Variants in VAV2 observed in about 807,000 individuals in gnomAD.
VAV2 encodes the protein vav guanine nucleotide exchange factor 2.
In VAV2, 67 loss-of-function variants were observed where a neutral mutation model predicts 132.5. The observed-to-expected ratio is 0.51, with a 90% CI of 0.42 to 0.62. The LOEUF (loss-of-function observed/expected upper bound fraction) is 0.62. Among genes scored for constraint, VAV2 ranks in the 20% least tolerant of loss-of-function variants. The pLI is 0.00. For synonymous variants in VAV2, 492 were observed against 443.5 expected (o/e 1.11, Z -1.37); for missense variants, 938 against 1,153.6 (o/e 0.81, Z 2.71).
rs1306521713 is a variant in VAV2 at position 133,885,184 on chromosome 9, C to T, written c.322-23752G>A. 6.6e-6 allele frequency among the ~76,000 whole-genome samples: 1 copy of T among 152,198 alleles called. No individual in the cohort carries two copies. The highest frequency in any genetic ancestry group is 2.4e-5 in the African/African-American group (1 of 41,444). ...TGACTTCATTTGCTCCAGTGTCCTG[C>T]GATTGATTCTTCTGAACTTCTGAGC... On this transcript the variant is annotated intron_variant, in intron 2 of 29. Coordinates refer to ENST00000371850, the MANE Select transcript of VAV2 (RefSeq NM_001134398.2). The surrounding 1 kb of genome is among the most constrained non-coding windows in gnomAD (Gnocchi z 5.0).
In VAV2 at chr9:133,788,434, T is replaced by A. The variant is rs747209081; in HGVS notation, c.1327A>T (p.Ser443Cys). 6.2e-7 allele frequency: 1 copy of A among 1,612,366 alleles called. No individual in the cohort carries two copies. Among genetic ancestry groups the A allele is most frequent in the Non-Finnish European group, 8.5e-7 (1 of 1,178,690 alleles). ...TCGATGATCTCCTTGAGCTCGTAGC[T>A]GTAGCCCTTCCGCTTGCAGACGATG... ...VVIVCKRKGY[S>C]YELKEIIELL... The change falls in exon 15 of 30, where the codon AGC (serine) becomes TGC (cysteine). Residue 443 changes from serine (S) to cysteine (C), a missense_variant. By Grantham distance (112) the Ser-to-Cys change is moderately radical. Coordinates refer to ENST00000371850, the MANE Select transcript of VAV2 (RefSeq NM_001134398.2). This position sits in a 1 kb window ranked among gnomAD's most constrained non-coding sequence, Gnocchi z 5.3.
chr9:133,806,732 G>A (rs990623985), intron 8 of VAV2, among the ~76,000 whole-genome samples: 4 of 152,344 alleles, frequency 2.6e-5, no homozygotes, highest in African/African-American at 4.8e-5. Context: ...CACAGCCACC[G>A]CACGGGCTGC....
intron 2 of VAV2, among the ~76,000 whole-genome samples, chr9:133,873,522 G>A (rs1838142922): frequency 6.6e-6 from 1 of 152,208 alleles, no homozygotes. Flanking sequence ...AAAGCAATCA[G>A]CACCCAAGAC....
chr9:133,941,809 G>A (rs1841173759), intron 1 of VAV2, among the ~76,000 whole-genome samples: 1 of 152,112 alleles, frequency 6.6e-6, no homozygotes, highest in Admixed American at 6.5e-5. Context: ...TCTCCACGTT[G>A]GTCAGGCTGG....
chr9:133,836,047 C>T (rs532735585), intron 3 of VAV2, among the ~76,000 whole-genome samples: 12 of 152,340 alleles, frequency 7.9e-5, no homozygotes, highest in South Asian at 4.1e-4. Flanking sequence ...GAGGCTGCCA[C>T]GACATCCTCA....
chr9:133,940,672 C>CGTGT (rs60265901), intron 1 of VAV2, among the ~76,000 whole-genome samples: 1,688 of 139,252 alleles, frequency 0.012, 20 homozygotes, highest in Middle Eastern at 0.036. Context: ...TGTCCACGTG[C>CGTGT]GTGTGTGTGT....
At chr9:133,785,405 C>A (rs938867041) in intron 17 of VAV2, among the ~76,000 whole-genome samples, 1 of 152,250 alleles carries the variant, frequency 6.6e-6, no homozygotes, top group Non-Finnish European at 1.5e-5. Flanking sequence ...GCCCGTAAGA[C>A]CCTGAAGACT....
At position 133,869,240 on chromosome 9, in the gene VAV2, G is replaced by A. The variant is rs546833263; in HGVS notation, c.322-7808C>T. Among the ~76,000 whole-genome samples, 25 of 152,012 alleles carry A rather than the reference G, an allele frequency of 1.6e-4. No homozygotes were observed. The South Asian group carries it at 4.4e-3, about 27-fold the overall frequency. On this transcript the variant is annotated intron_variant, in intron 2 of 29. Transcript: ENST00000371850. ...TAACCTCAGGTGATCCGCCCACCTC[G>A]GCCTCCCAAAGTGCCGGGATTACAG...
chr9:133,925,061 T>C (rs1840425353), intron 2 of VAV2, among the ~76,000 whole-genome samples: 1 of 152,082 alleles, frequency 6.6e-6, no homozygotes, highest in Non-Finnish European at 1.5e-5. Context: ...CAGGAACTGG[T>C]GGATGGGGCA....
intron 1 of VAV2, among the ~76,000 whole-genome samples, chr9:133,981,726 T>G (rs900432441): frequency 6.6e-6 from 1 of 151,892 alleles, no homozygotes; most frequent in South Asian, 2.1e-4. Context: ...GCCAAGCGAG[T>G]GTGGTCCCCA....
intron 3 of VAV2, among the ~76,000 whole-genome samples, chr9:133,836,473 T>C (rs1469315195): frequency 1.3e-5 from 2 of 152,188 alleles, no homozygotes; most frequent in African/African-American, 4.8e-5. Context: ...TAAAGAAAAA[T>C]AGAATCAAAA....
At chr9:133,816,619 G>C (rs12337374) in intron 4 of VAV2, among the ~76,000 whole-genome samples, 26,921 of 152,110 alleles carry the variant, frequency 0.18, 2,563 homozygotes, top group African/African-American at 0.24. Context: ...TGTCGTCCCA[G>C]CTACTAAGGA....
rs1054493312 is a variant in VAV2, at chr9:133,823,701, G to T, written c.449+10571C>A. Among the ~76,000 whole-genome samples the T allele has an allele frequency of 1.1e-4, 17 of 152,196 alleles. No individual in the cohort carries two copies. The highest frequency in any genetic ancestry group is 3.9e-4 in the African/African-American group (16 of 41,446). The stretch of plus-strand genomic sequence containing the variant: ...CTTCCTGGAAAATGGCAAGATGAAT[G>T]CGTATGTCTTTAAAGCTGCCCTTCT... On this transcript the variant is annotated intron_variant, in intron 4 of 29. Transcript: ENST00000371850. The surrounding 1 kb of genome is among the most constrained non-coding windows in gnomAD (Gnocchi z 5.5).
chr9:133,945,465 T>C (rs534736428), intron 1 of VAV2, among the ~76,000 whole-genome samples: 19 of 152,304 alleles, frequency 1.2e-4, no homozygotes, highest in South Asian at 1.2e-3. Context: ...CACTTTCACA[T>C]CCACATTTGC....
At chr9:133,960,054 C>T (rs553821955) in intron 1 of VAV2, among the ~76,000 whole-genome samples, 20 of 152,334 alleles carry the variant, frequency 1.3e-4, no homozygotes, top group African/African-American at 3.8e-4. Flanking sequence ...ACCTTACAAC[C>T]GCCAGGCCCT....
intron 3 of VAV2, among the ~76,000 whole-genome samples, chr9:133,858,914 G>T (rs1371108206): frequency 2.0e-5 from 3 of 152,206 alleles, no homozygotes; most frequent in African/African-American, 7.2e-5. Context: ...ATGCTGCCTG[G>T]GCAGTTCCCC....
At chr9:133,889,984 T>C (rs1394017147) in intron 2 of VAV2, among the ~76,000 whole-genome samples, 3 of 152,178 alleles carry the variant, frequency 2.0e-5, no homozygotes, top group African/African-American at 7.2e-5. Flanking sequence ...GTCTCTGCAG[T>C]GGAAGGACCT....
chr9:133,903,757 T>C (rs1839535043), intron 2 of VAV2, among the ~76,000 whole-genome samples: 1 of 152,086 alleles, frequency 6.6e-6, no homozygotes, highest in African/African-American at 2.4e-5. Flanking sequence ...AACAGGGGGA[T>C]GCTGGCGAGG....
At chr9:133,877,652 C>T (rs1274930557) in intron 2 of VAV2, among the ~76,000 whole-genome samples, 2 of 152,172 alleles carry the variant, frequency 1.3e-5, no homozygotes, top group Non-Finnish European at 2.9e-5. Context: ...CTGAGCCTCA[C>T]CCCAGAACCC....
Sources: gnomAD v4.1 joint callset for allele counts (sites outside exome capture counted in the v4.1 genomes callset) on GRCh38, gnomAD v4.1.1 for gene constraint, Gnocchi (gnomAD v3.1) non-coding constraint, MANE v1.5 for transcripts, NCBI Gene and HGNC (gene_info 2026-07-23, HGNC 2026-07-21) for gene names.